Variants in ZDHHC14 observed in about 807,000 individuals in gnomAD.
ZDHHC14 encodes zDHHC palmitoyltransferase 14, also known as palmitoyltransferase ZDHHC14.
ZDHHC14 carries 16 observed loss-of-function variants against 47.7 expected under a neutral mutation model. The ratio of observed to expected loss-of-function variants is 0.34; its 90% CI spans 0.23 to 0.51. The LOEUF (loss-of-function observed/expected upper bound fraction) is 0.51, where lower values mean the gene tolerates loss of function less well. ZDHHC14 is among the 20% of genes least tolerant of loss of function. ZDHHC14 has a pLI of 0.97. For synonymous variants in ZDHHC14, 293 were observed against 278.9 expected (o/e 1.05, Z -0.50); for missense variants, 515 against 662.5 (o/e 0.78, Z 2.44).
At chr6:157,591,458 G>C (rs1202662350) in intron 2 of ZDHHC14, among the ~76,000 whole-genome samples, 1 of 152,076 alleles carries the variant, frequency 6.6e-6, no homozygotes, top group African/African-American at 2.4e-5. Context: ...TTCCCCCTTT[G>C]CTTGGCACCT....
At chr6:157,401,027 T>C (rs991606788) in intron 1 of ZDHHC14, among the ~76,000 whole-genome samples, 17 of 152,184 alleles carry the variant, frequency 1.1e-4, no homozygotes, top group African/African-American at 4.1e-4. Context: ...TGCCCTTGAG[T>C]GGAGGAGACA....
chr6:157,650,709 A>G (rs1777793078), intron 7 of ZDHHC14, among the ~76,000 whole-genome samples: 1 of 151,716 alleles, frequency 6.6e-6, no homozygotes, highest in Non-Finnish European at 1.5e-5. Context: ...AAATAGTGTC[A>G]TTTCAGTGCA....
rs569818602 is a variant in ZDHHC14, at chr6:157,628,718, G to T, written c.703+232G>T. On this transcript the variant is annotated intron_variant, in intron 4 of 8. Transcript: ENST00000359775. ...ACCCCATCTTTCACAGCACTTTCCA[G>T]GGGTCGCACCTAGGCCAGGCTGCGC... 2.0e-3 allele frequency: 1,069 copies of T among 526,920 alleles called. 5 individuals carry two copies. The highest frequency in any genetic ancestry group is 3.1e-3 in the Non-Finnish European group (948 of 301,286). The allele number at this position is 526,920 out of a possible 1,614,324, so 32.6% of individuals were successfully genotyped here.
chr6:157,619,905 C>T (rs1785118872), intron 3 of ZDHHC14, among the ~76,000 whole-genome samples: 1 of 152,116 alleles, frequency 6.6e-6, no homozygotes, highest in Non-Finnish European at 1.5e-5. Context: ...ATTTAGTCCC[C>T]ATGTGGAAGT....
At chr6:157,588,698 G>A (rs550187236) in intron 2 of ZDHHC14, among the ~76,000 whole-genome samples, 21 of 152,186 alleles carry the variant, frequency 1.4e-4, no homozygotes, top group African/African-American at 3.4e-4. Flanking sequence ...ACTAAGCTGC[G>A]TTCTCTAAGG....
At chr6:157,514,555 C>G (rs897470561) in intron 1 of ZDHHC14, among the ~76,000 whole-genome samples, 2 of 152,202 alleles carry the variant, frequency 1.3e-5, no homozygotes, top group African/African-American at 4.8e-5. Flanking sequence ...CCTGGAATCC[C>G]CAATCTAGTA....
chr6:157,604,287 A>T (rs1247713654), intron 3 of ZDHHC14, among the ~76,000 whole-genome samples: 2 of 19,080 alleles, frequency 1.0e-4, no homozygotes, highest in Non-Finnish European at 1.8e-4. Flanking sequence ...AGCCTGTCTT[A>T]AAAAAAAAAA....
intron 1 of ZDHHC14, among the ~76,000 whole-genome samples, chr6:157,508,044 C>T (rs1780373270): frequency 6.6e-6 from 1 of 152,130 alleles, no homozygotes; most frequent in Admixed American, 6.5e-5. Flanking sequence ...TTCTAGCTTC[C>T]ACATTTTCTA....
At position 157,672,923 on chromosome 6, in the gene ZDHHC14, TCGCGGACG is replaced by T. The variant is rs1778871368; in HGVS notation, c.1269_1276del (p.Ala424AspfsTer6). On this transcript the variant is annotated frameshift_variant, in exon 9 of 9. Transcript: ENST00000359775. LOFTEE classifies it high-confidence loss of function. Reference sequence around the variant, plus strand: ...ATGCCCAACCTCGCCGAGGCCACGCTCGCGGACGTGATGCCCCGGAAAGATGAGCACAT... The same window carrying T: ...ATGCCCAACCTCGCCGAGGCCACGCTTGATGCCCCGGAAAGATGAGCACAT... The T allele has an allele frequency of 1.2e-6, 2 of 1,603,062 alleles. No homozygotes were observed. Among genetic ancestry groups the T allele is most frequent in the African/African-American group, 2.7e-5 (2 of 74,706 alleles).
intron 1 of ZDHHC14, among the ~76,000 whole-genome samples, chr6:157,535,057 A>G (rs113819554): frequency 0.026 from 3,930 of 152,346 alleles, 180 homozygotes; most frequent in African/African-American, 0.091. Context: ...CTGTATCTTA[A>G]GTAGACCTCT....
chr6:157,545,973 G>A lies in ZDHHC14; in HGVS notation c.406+3228G>A, dbSNP rs146166597. 9.2e-5 allele frequency among the ~76,000 whole-genome samples: 14 copies of A among 152,328 alleles called. No homozygotes were observed. The East Asian group carries it at 1.4e-3, about 15-fold the overall frequency. ...CATTGTAGATGTGTAGTAAATGATCGTTTTTTGTTTTGTCTAATTCTTCTC... is the reference window on the plus strand; with the variant it reads ...CATTGTAGATGTGTAGTAAATGATCATTTTTTGTTTTGTCTAATTCTTCTC... On this transcript the variant is annotated intron_variant, in intron 2 of 8. Transcript: ENST00000359775.
intron 1 of ZDHHC14, among the ~76,000 whole-genome samples, chr6:157,445,663 T>A (rs1007582353): frequency 2.0e-5 from 3 of 152,134 alleles, no homozygotes; most frequent in Non-Finnish European, 4.4e-5. Flanking sequence ...GGTCTGAAAG[T>A]GAAACATCTC....
chr6:157,529,220 A>G (rs1781278523), intron 1 of ZDHHC14: 1 of 154,670 alleles, frequency 6.5e-6, no homozygotes, highest in Non-Finnish European at 1.5e-5. Context: ...GAGTCTCTGC[A>G]ACCCCACCCT....
chr6:157,442,273 C>T (rs886096718), intron 1 of ZDHHC14, among the ~76,000 whole-genome samples: 5 of 152,168 alleles, frequency 3.3e-5, no homozygotes, highest in Non-Finnish European at 5.9e-5. Context: ...GTCCCAGCTA[C>T]TCAAGAGGCT....
chr6:157,426,319 T>A (rs985645462), intron 1 of ZDHHC14, among the ~76,000 whole-genome samples: 1 of 152,070 alleles, frequency 6.6e-6, no homozygotes. Context: ...TTGGATGGTG[T>A]CATTCACTGA....
At chr6:157,603,706 A>G (rs1306145517) in intron 3 of ZDHHC14, among the ~76,000 whole-genome samples, 1 of 152,172 alleles carries the variant, frequency 6.6e-6, no homozygotes, top group East Asian at 1.9e-4. Context: ...GGATTAGGCA[A>G]GGCTCGGCCC....
chr6:157,531,492 A>G (rs960670037), intron 1 of ZDHHC14, among the ~76,000 whole-genome samples: 1 of 151,558 alleles, frequency 6.6e-6, no homozygotes, highest in Non-Finnish European at 1.5e-5. Context: ...GGCTTCACCA[A>G]CACCCCCCGC....
chr6:157,559,469 G>A (rs1219752045), intron 2 of ZDHHC14, among the ~76,000 whole-genome samples: 1 of 152,212 alleles, frequency 6.6e-6, no homozygotes, highest in Non-Finnish European at 1.5e-5. Context: ...TTAGAGCTGA[G>A]TTGGCCACCA....
At chr6:157,525,268 C>T (rs1215418062) in intron 1 of ZDHHC14, among the ~76,000 whole-genome samples, 1 of 152,200 alleles carries the variant, frequency 6.6e-6, no homozygotes, top group Non-Finnish European at 1.5e-5. Context: ...TCAAGCGATC[C>T]TCCTGCCTCA....
Sources: allele counts gnomAD v4.1 joint callset (sites outside exome capture counted in the v4.1 genomes callset), GRCh38; gene constraint gnomAD v4.1.1; transcripts MANE v1.5; gene names NCBI Gene and HGNC (gene_info 2026-07-23, HGNC 2026-07-21).